EGF: variants seen among roughly 807,000 people sequenced by gnomAD.
EGF encodes the protein epidermal growth factor.
In EGF, 95 loss-of-function variants were observed where a neutral mutation model predicts 143.8. That is an observed-to-expected ratio of 0.66 (90% confidence interval 0.56 to 0.78). The LOEUF (loss-of-function observed/expected upper bound fraction) is 0.78, where lower values mean the gene tolerates loss of function less well. Among genes scored for constraint, EGF ranks in the 30% least tolerant of loss-of-function variants. EGF has a pLI of 0.00. For synonymous variants in EGF, 510 were observed against 510.5 expected (o/e 1.00, Z 0.01); for missense variants, 1,320 against 1,470.9 (o/e 0.90, Z 1.68).
chr4:109,972,379 C>T lies in EGF; in HGVS notation c.1725-2324C>T, dbSNP rs767761077. 3.3e-5 allele frequency among the ~76,000 whole-genome samples: 5 copies of T among 152,108 alleles called. No homozygotes were observed. In the East Asian group the frequency reaches 5.8e-4, roughly 18 times the overall value. On this transcript the variant is annotated intron_variant, in intron 11 of 23. Transcript: ENST00000265171. The stretch of plus-strand genomic sequence containing the variant: ...CAGCTGCACAGTCAGGAGCTTATGT[C>T]GTTCTCGTCTCATCACTTAATTCCT...
At chr4:109,946,462 G>A (rs1355278865) in intron 5 of EGF, among the ~76,000 whole-genome samples, 2 of 152,118 alleles carry the variant, frequency 1.3e-5, no homozygotes, top group Admixed American at 1.3e-4. Flanking sequence ...CCTTGGCTTA[G>A]ACTTCTCTTC....
intron 22 of EGF, among the ~76,000 whole-genome samples, chr4:110,006,596 C>T (rs901135730): frequency 6.6e-6 from 1 of 152,188 alleles, no homozygotes; most frequent in Non-Finnish European, 1.5e-5. Flanking sequence ...CTAAATTACC[C>T]AGATGTCACT....
intron 1 of EGF, among the ~76,000 whole-genome samples, chr4:109,926,373 G>A (rs1375589528): frequency 7.7e-5 from 10 of 130,446 alleles, no homozygotes; most frequent in Admixed American, 8.4e-5. Flanking sequence ...TTTTTTTTCC[G>A]AGACGGAGTC....
intron 7 of EGF, 41 bp from the exon 8 acceptor site, chr4:109,961,822 C>A: frequency 6.2e-7 from 1 of 1,610,866 alleles, no homozygotes; most frequent in African/African-American, 1.3e-5. Flanking sequence ...TTTTGCAAAC[C>A]CGATTTAACA....
Position 109,956,425 on chromosome 4 carries a change from C to A in EGF, c.941-2887C>A, listed in dbSNP as rs528115207. Among the ~76,000 whole-genome samples the A allele has an allele frequency of 2.1e-4, 32 of 152,242 alleles. No homozygotes were observed. In the South Asian group the frequency reaches 5.2e-3, roughly 25 times the overall value. ...TAGCATTTCAGTGCTATTAAAAGGC[C>A]AACTCAAACCTTCCTGGATTTTTGT... On this transcript the variant is annotated intron_variant, in intron 5 of 23. Transcript: ENST00000265171.
intron 10 of EGF, among the ~76,000 whole-genome samples, chr4:109,965,175 ATGT>A (rs1294598184): frequency 6.6e-6 from 1 of 152,146 alleles, no homozygotes; most frequent in African/African-American, 2.4e-5. Flanking sequence ...GCTTGAAATG[ATGT>A]TACAGTGTGT....
At chr4:109,973,271 C>T (rs1298770963) in intron 11 of EGF, among the ~76,000 whole-genome samples, 2 of 152,248 alleles carry the variant, frequency 1.3e-5, no homozygotes, top group South Asian at 2.1e-4. Flanking sequence ...CTGCCTGCCT[C>T]GCCCTTTCAC....
chr4:109,950,354 A>G (rs1412184571), intron 5 of EGF, among the ~76,000 whole-genome samples: 1 of 151,990 alleles, frequency 6.6e-6, no homozygotes, highest in Non-Finnish European at 1.5e-5. Flanking sequence ...CTCTCATCCC[A>G]TGAAATCAGT....
In EGF at chr4:109,976,224, A is replaced by C; in HGVS notation, c.2042A>C (p.Gln681Pro). The C allele has an allele frequency of 6.2e-7, 1 of 1,613,920 alleles. No individual in the cohort carries two copies. Among genetic ancestry groups the C allele is most frequent in the Non-Finnish European group, 8.5e-7 (1 of 1,179,928 alleles). The change falls in exon 13 of 24, where the codon CAG (glutamine) becomes CCG (proline). Residue 681 changes from glutamine (Q) to proline (P), a missense_variant. By Grantham distance (76) the Gln-to-Pro change is moderately conservative. This residue lies in a region of EGF where 1,186 missense variants were observed against 1,313.7 expected (regional missense o/e 0.90). Transcript: ENST00000265171. The stretch of plus-strand genomic sequence containing the variant: ...GGTTCAAAACGCCGAAGACTTACCC[A>C]GAATGATGTAGGTGAGGCTTTGGGA... Reference protein sequence around the residue: ...LDGSKRRRLTQNDVGHPFAVA... With the variant: ...LDGSKRRRLTPNDVGHPFAVA...
In EGF at chr4:109,913,181, G is replaced by A; in HGVS notation, c.-155G>A. 1.2e-6 allele frequency: 1 copy of A among 831,894 alleles called. No homozygotes were observed. The highest frequency in any genetic ancestry group is 1.9e-6 in the Non-Finnish European group (1 of 515,528). 51.5% of individuals were successfully genotyped at this position (831,894 alleles called of 1,614,324 possible). ...GGTCTCTCAGTTGAAGAAAGAGCTTGGAGGACAACAGCACAACAGGAGAGT... is the reference window on the plus strand; with the variant it reads ...GGTCTCTCAGTTGAAGAAAGAGCTTAGAGGACAACAGCACAACAGGAGAGT... On this transcript the variant is annotated 5_prime_UTR_variant, in exon 1 of 24. Transcript: ENST00000265171.
chr4:109,944,398 C>T (rs987600016), intron 4 of EGF, among the ~76,000 whole-genome samples: 1 of 152,204 alleles, frequency 6.6e-6, no homozygotes, highest in Admixed American at 6.5e-5. Flanking sequence ...GATATCGTGC[C>T]ACTGCACTCC....
chr4:109,934,822 C>A (rs954275328), intron 1 of EGF, among the ~76,000 whole-genome samples: 3 of 152,118 alleles, frequency 2.0e-5, no homozygotes, highest in Non-Finnish European at 4.4e-5. Flanking sequence ...AAAGGGAATC[C>A]TTTCCCTATT....
chr4:109,930,473 G>T (rs1347349570), intron 1 of EGF, among the ~76,000 whole-genome samples: 1 of 152,130 alleles, frequency 6.6e-6, no homozygotes, highest in Non-Finnish European at 1.5e-5. Context: ...AGTTTTTGAG[G>T]TCCAGAAGCT....
At chr4:109,969,457 G>A (rs1747213883) in intron 11 of EGF, among the ~76,000 whole-genome samples, 1 of 152,158 alleles carries the variant, frequency 6.6e-6, no homozygotes, top group Non-Finnish European at 1.5e-5. Flanking sequence ...CTTTTGGAGG[G>A]TGGGTGGCAA....
At chr4:110,006,510 A>G (rs1303174723) in intron 22 of EGF, among the ~76,000 whole-genome samples, 1 of 152,218 alleles carries the variant, frequency 6.6e-6, no homozygotes, top group African/African-American at 2.4e-5. Flanking sequence ...GTCTTTATCA[A>G]TTCCACAAGT....
intron 1 of EGF, among the ~76,000 whole-genome samples, chr4:109,926,665 G>A (rs1738727805): frequency 6.6e-6 from 1 of 152,006 alleles, no homozygotes; most frequent in African/African-American, 2.4e-5. Flanking sequence ...CCGTGACACC[G>A]TCTTTAAAAG....
At chr4:109,940,701 A>G (rs999515983) in intron 1 of EGF, 5 of 482,460 alleles carry the variant, frequency 1.0e-5, no homozygotes, top group African/African-American at 1.9e-5. Flanking sequence ...TTCTCTTCAG[A>G]GAGTTCATTT....
chr4:109,992,964 G>C (rs1050204739), intron 18 of EGF, among the ~76,000 whole-genome samples: 13 of 127,360 alleles, frequency 1.0e-4, no homozygotes, highest in Non-Finnish European at 1.5e-4. Context: ...GGGGGAGGGG[G>C]GAGGGATAGC....
At chr4:109,920,459 A>G (rs945890023) in intron 1 of EGF, among the ~76,000 whole-genome samples, 1 of 151,608 alleles carries the variant, frequency 6.6e-6, no homozygotes, top group Non-Finnish European at 1.5e-5. Flanking sequence ...AACAGGGGAG[A>G]GCACTTGATG....
Sources: allele counts gnomAD v4.1 joint callset (sites outside exome capture counted in the v4.1 genomes callset), GRCh38; gene constraint gnomAD v4.1.1; regional missense constraint gnomAD v4.1.1; transcripts MANE v1.5; gene names NCBI Gene and HGNC (gene_info 2026-07-23, HGNC 2026-07-21).